The following VPS13B variants were observed in gnomAD, a reference collection of about 807,000 sequenced individuals.
The protein encoded by VPS13B is intermembrane lipid transfer protein VPS13B.
In VPS13B, 285 loss-of-function variants were observed where a neutral mutation model predicts 426.4. That is an observed-to-expected ratio of 0.67 (90% CI 0.61 to 0.74). The LOEUF is 0.74. VPS13B is among the 30% of genes least tolerant of loss of function. The pLI, the probability that VPS13B is intolerant of heterozygous loss-of-function variation, is 0.00. For missense variants in VPS13B, 4,537 were observed against 4,782.6 expected (o/e 0.95, Z 1.51); for synonymous variants, 1,676 against 1,676.4 (o/e 1.00, Z 0.01).
intron 43 of VPS13B, among the ~76,000 whole-genome samples, chr8:99,806,490 CATGTTAG>C (rs1813408744): frequency 6.6e-6 from 1 of 152,184 alleles, no homozygotes; most frequent in Non-Finnish European, 1.5e-5. Context: ...CTGACTGCTT[CATGTTAG>C]TTATTTGTTC....
In VPS13B at chr8:99,792,064, C is replaced by T. The variant is rs533321359; in HGVS notation, c.7941+7588C>T. Among the ~76,000 whole-genome samples the T allele has an allele frequency of 3.3e-5, 5 of 152,288 alleles. No individual in the cohort carries two copies. The East Asian group carries it at 9.7e-4, about 29-fold the overall frequency. On this transcript the variant is annotated intron_variant, in intron 43 of 61. Transcript: ENST00000357162. ...ACACATGCATGGGGCAAACTGAATG[C>T]AGTTTGTACCCAAGGCTTAAAGAAG...
chr8:99,234,471 G>T (rs565865164), intron 17 of VPS13B: 22 of 559,210 alleles, frequency 3.9e-5, no homozygotes, highest in Admixed American at 8.4e-5. Flanking sequence ...TGGCCTCGCC[G>T]CCGCCCCGCC....
At chr8:99,412,125 A>G (rs946759171) in intron 21 of VPS13B, among the ~76,000 whole-genome samples, 2 of 152,224 alleles carry the variant, frequency 1.3e-5, no homozygotes. Context: ...CACTGAATGT[A>G]TAAATTACTT....
intron 19 of VPS13B, among the ~76,000 whole-genome samples, chr8:99,316,746 T>A (rs1809681797): frequency 6.6e-6 from 1 of 152,060 alleles, no homozygotes; most frequent in South Asian, 2.1e-4. Context: ...ATTTGAAGAG[T>A]GATTATTTAC....
At chr8:99,734,226 A>G (rs1588665584) in intron 39 of VPS13B, among the ~76,000 whole-genome samples, 1 of 152,166 alleles carries the variant, frequency 6.6e-6, no homozygotes, top group East Asian at 1.9e-4. Flanking sequence ...GCCAAATGAT[A>G]TTGCTTTATA....
chr8:99,744,223 C>T (rs1809941307), intron 39 of VPS13B, among the ~76,000 whole-genome samples: 1 of 151,994 alleles, frequency 6.6e-6, no homozygotes, highest in African/African-American at 2.4e-5. Context: ...AAAAAATGCT[C>T]ATCATCACTG....
chr8:99,446,184 G>T (rs1375895412), intron 23 of VPS13B, among the ~76,000 whole-genome samples: 1 of 152,026 alleles, frequency 6.6e-6, no homozygotes, highest in East Asian at 1.9e-4. Flanking sequence ...TCCTTTAGAA[G>T]CTGTTTTTGT....
intron 33 of VPS13B, among the ~76,000 whole-genome samples, chr8:99,587,037 T>C (rs866262481): frequency 6.6e-6 from 1 of 152,156 alleles, no homozygotes; most frequent in Non-Finnish European, 1.5e-5. Context: ...GTGTTCTCAT[T>C]GTTCAGTTCC....
intron 17 of VPS13B, among the ~76,000 whole-genome samples, chr8:99,218,868 A>G (rs947217474): frequency 2.0e-5 from 3 of 152,154 alleles, no homozygotes; most frequent in Admixed American, 2.0e-4. Context: ...TACAGTGGTA[A>G]TCTCTGCATC....
At chr8:99,095,261 C>T (rs562257231) in intron 3 of VPS13B, among the ~76,000 whole-genome samples, 1 of 152,206 alleles carries the variant, frequency 6.6e-6, no homozygotes, top group Non-Finnish European at 1.5e-5. Flanking sequence ...GTTAACATTA[C>T]CCCATTTTTA....
rs1188683032 is a variant in VPS13B at position 99,519,129 on chromosome 8, C to A, written c.4634-1770C>A. Among the ~76,000 whole-genome samples, 7 of 152,194 alleles carry A rather than the reference C, an allele frequency of 4.6e-5. No homozygotes were observed. The East Asian group carries it at 1.3e-3, about 29-fold the overall frequency. On this transcript the variant is annotated intron_variant, in intron 29 of 61. Coordinates refer to ENST00000357162, the MANE Select transcript of VPS13B (RefSeq NM_152564.5). ...TGTCTGTTGGCTGCATAAATGTCTT[C>A]TTTTGAGAAGTGTCTGTTCATATCC...
chr8:99,075,906 C>T (rs928955566), intron 3 of VPS13B, among the ~76,000 whole-genome samples: 1 of 152,016 alleles, frequency 6.6e-6, no homozygotes, highest in Non-Finnish European at 1.5e-5. Context: ...CTTGTGCTAG[C>T]TTTGTGTTGG....
intron 30 of VPS13B, among the ~76,000 whole-genome samples, chr8:99,537,344 C>T (rs560981236): frequency 2.0e-5 from 3 of 152,174 alleles, no homozygotes; most frequent in African/African-American, 7.2e-5. Flanking sequence ...TGATGTAGGT[C>T]AAAACGTTTA....
chr8:99,581,399 G>T (rs1826051829), intron 33 of VPS13B, among the ~76,000 whole-genome samples: 1 of 152,030 alleles, frequency 6.6e-6, no homozygotes, highest in Admixed American at 6.6e-5. Flanking sequence ...CAAAATGACT[G>T]GATGATGGAT....
At chr8:99,270,914 T>A (rs1189085529) in intron 17 of VPS13B, among the ~76,000 whole-genome samples, 1 of 152,158 alleles carries the variant, frequency 6.6e-6, no homozygotes, top group Admixed American at 6.5e-5. Flanking sequence ...TTAAATAGAG[T>A]AGCTCAGCAT....
At chr8:99,259,864 T>C (rs1458211736) in intron 17 of VPS13B, among the ~76,000 whole-genome samples, 3 of 151,970 alleles carry the variant, frequency 2.0e-5, no homozygotes, top group African/African-American at 7.3e-5. Context: ...TACAAAGAAT[T>C]TGAGGAAATA....
At chr8:99,336,329 G>C (rs1401211586) in intron 19 of VPS13B, among the ~76,000 whole-genome samples, 6 of 152,168 alleles carry the variant, frequency 3.9e-5, no homozygotes, top group African/African-American at 1.4e-4. Flanking sequence ...AGCTGAAACT[G>C]GATCCCTTCC....
chr8:99,702,195 G>A (rs142276730), intron 36 of VPS13B, among the ~76,000 whole-genome samples: 31 of 152,180 alleles, frequency 2.0e-4, no homozygotes, highest in African/African-American at 7.5e-4. Flanking sequence ...ATTTCTTTTT[G>A]TAGTTTTCAA....
intron 40 of VPS13B, among the ~76,000 whole-genome samples, chr8:99,767,198 G>C (rs540781633): frequency 6.6e-6 from 1 of 151,938 alleles, no homozygotes; most frequent in East Asian, 1.9e-4. Context: ...CCCTCACTAA[G>C]AACCTGTTCC....
Sources: allele counts gnomAD v4.1 joint callset (sites outside exome capture counted in the v4.1 genomes callset), GRCh38; gene constraint gnomAD v4.1.1; transcripts MANE v1.5; gene names NCBI Gene and HGNC (gene_info 2026-07-23, HGNC 2026-07-21).